PRKN: variants seen among roughly 807,000 people sequenced by gnomAD.
PRKN encodes the protein E3 ubiquitin-protein ligase parkin.
In PRKN, 56 loss-of-function variants were observed where a neutral mutation model predicts 59.5. The ratio of observed to expected loss-of-function variants is 0.94; its 90% confidence interval spans 0.76 to 1.18. The LOEUF (loss-of-function observed/expected upper bound fraction) is 1.18. Among genes scored for constraint, PRKN ranks in the 50% most tolerant of loss-of-function variants. The pLI, the probability that PRKN is intolerant of heterozygous loss-of-function variation, is 0.00. For missense variants in PRKN, 657 were observed against 596.4 expected (o/e 1.10, Z -1.06); for synonymous variants, 250 against 222.1 (o/e 1.13, Z -1.12).
chr6:161,899,272 G>C (rs140446063), intron 6 of PRKN, among the ~76,000 whole-genome samples: 49 of 152,322 alleles, frequency 3.2e-4, no homozygotes, highest in African/African-American at 1.1e-3. Context: ...ACATCTTTCA[G>C]TATGTTCCGA....
chr6:162,459,797 G>A (rs900523872), intron 1 of PRKN, among the ~76,000 whole-genome samples: 6 of 152,234 alleles, frequency 3.9e-5, no homozygotes, highest in East Asian at 1.9e-4. Flanking sequence ...AAAATGATTC[G>A]GAACTTTCTA....
intron 9 of PRKN, among the ~76,000 whole-genome samples, chr6:161,478,237 C>A (rs953333075): frequency 2.6e-5 from 4 of 152,172 alleles, no homozygotes; most frequent in Non-Finnish European, 5.9e-5. Flanking sequence ...TTGCCTCGGG[C>A]AAACTGAGTA....
intron 5 of PRKN, among the ~76,000 whole-genome samples, chr6:162,011,135 TTATA>T (rs1485141052): frequency 0.64 from 330 of 518 alleles, 127 homozygotes; most frequent in African/African-American, 0.73. Flanking sequence ...TAATATATAA[TTATA>T]ATATATATTA....
chr6:161,869,610 G>C (rs933814614), intron 6 of PRKN, among the ~76,000 whole-genome samples: 2 of 152,136 alleles, frequency 1.3e-5, no homozygotes, highest in Non-Finnish European at 2.9e-5. Flanking sequence ...CTCAGACTCT[G>C]CTGTTTCTGT....
At chr6:162,060,090 A>C (rs9458443) in intron 4 of PRKN, among the ~76,000 whole-genome samples, 56,980 of 152,048 alleles carry the variant, frequency 0.37, 11,583 homozygotes, top group Admixed American at 0.48. Context: ...TATAGAAAAA[A>C]CTTGCCAACC....
intron 7 of PRKN, among the ~76,000 whole-genome samples, chr6:161,761,961 G>A (rs552222408): frequency 1.2e-4 from 19 of 152,338 alleles, no homozygotes; most frequent in African/African-American, 4.6e-4. Flanking sequence ...GGCCTAGGGA[G>A]GTCTGGGTTG....
At chr6:161,715,985 G>T in intron 7 of PRKN, 1 of 602,056 alleles carries the variant, frequency 1.7e-6, no homozygotes, top group South Asian at 1.5e-5. Context: ...CGCTGGGGTG[G>T]GGCCCTGTGA....
intron 1 of PRKN, among the ~76,000 whole-genome samples, chr6:162,633,133 C>T (rs1242226048): frequency 6.6e-6 from 1 of 151,452 alleles, no homozygotes. Flanking sequence ...CCAGGCTAAA[C>T]CTTTAAAAAA....
chr6:161,963,434 G>A (rs1780461474), intron 6 of PRKN, among the ~76,000 whole-genome samples: 1 of 152,210 alleles, frequency 6.6e-6, no homozygotes, highest in Non-Finnish European at 1.5e-5. Context: ...GGTTCACCAC[G>A]GGAGAAATGA....
chr6:162,210,776 A>C (rs1785168463), intron 3 of PRKN, among the ~76,000 whole-genome samples: 1 of 152,188 alleles, frequency 6.6e-6, no homozygotes, highest in Non-Finnish European at 1.5e-5. Context: ...AATAATAAAC[A>C]ATTACATGAT....
intron 10 of PRKN, among the ~76,000 whole-genome samples, chr6:161,384,122 G>A (rs558240170): frequency 3.3e-5 from 5 of 152,256 alleles, no homozygotes; most frequent in African/African-American, 1.2e-4. Context: ...CATGTCAGTT[G>A]CTTGTGCAAC....
At chr6:161,874,804 G>A (rs368126104) in intron 6 of PRKN, among the ~76,000 whole-genome samples, 14 of 12,120 alleles carry the variant, frequency 1.2e-3, no homozygotes, top group South Asian at 4.7e-3. Flanking sequence ...AAATGTATAA[G>A]ATATATAAAA....
chr6:161,380,801 C>G (rs560969278), intron 10 of PRKN, among the ~76,000 whole-genome samples: 1 of 152,166 alleles, frequency 6.6e-6, no homozygotes, highest in South Asian at 2.1e-4. Context: ...TTAACAAAAA[C>G]GCATGGATTT....
At chr6:161,915,530 C>G (rs1562387811) in intron 6 of PRKN, among the ~76,000 whole-genome samples, 1 of 152,138 alleles carries the variant, frequency 6.6e-6, no homozygotes, top group Non-Finnish European at 1.5e-5. Context: ...GATTGTTCAT[C>G]TCTTTTGTGT....
chr6:161,687,118 G>A (rs897602926), intron 7 of PRKN, among the ~76,000 whole-genome samples: 2 of 152,046 alleles, frequency 1.3e-5, no homozygotes, highest in Non-Finnish European at 2.9e-5. Context: ...CAGTCACGGT[G>A]GCTCATGCCT....
chr6:161,581,834 G>C lies in PRKN; in HGVS notation c.872-12418C>G, dbSNP rs543410632. On this transcript the variant is annotated intron_variant, in intron 7 of 11. Transcript: ENST00000366898. This position sits in a 1 kb window ranked among gnomAD's most constrained non-coding sequence, Gnocchi z 4.5. ...TGCTAAGCTAGTGAGTTCTGACAAG[G>C]GCTCCTTTCCTGCTTCAGGTTTTAT... Among the ~76,000 whole-genome samples, 40 of 152,130 alleles carry C rather than the reference G, an allele frequency of 2.6e-4. No individual in the cohort carries two copies. Among genetic ancestry groups the C allele is most frequent in the African/African-American group, 8.9e-4 (37 of 41,424 alleles).
intron 7 of PRKN, among the ~76,000 whole-genome samples, chr6:161,630,355 A>C (rs1783255827): frequency 6.6e-6 from 1 of 152,192 alleles, no homozygotes; most frequent in Non-Finnish European, 1.5e-5. Flanking sequence ...CGTAGATGAG[A>C]TGCTTTGAAG....
chr6:162,676,986 G>A (rs1255279372), intron 1 of PRKN, among the ~76,000 whole-genome samples: 4 of 150,854 alleles, frequency 2.7e-5, no homozygotes, highest in African/African-American at 7.3e-5. Flanking sequence ...GCTTGAACCC[G>A]GGAGGCAGAG....
chr6:161,410,523 C>G lies in PRKN; in HGVS notation c.1084-23646G>C, dbSNP rs1316825450. On this transcript the variant is annotated intron_variant, in intron 9 of 11. Coordinates refer to ENST00000366898, the MANE Select transcript of PRKN (RefSeq NM_004562.3). The surrounding 1 kb of genome is among the most constrained non-coding windows in gnomAD (Gnocchi z 5.3). The stretch of plus-strand genomic sequence containing the variant: ...CAGCAAGCTCTTGGTCCCCTAAGGC[C>G]CTGCTCCTGGCAGATACTCTAAGGA... Among the ~76,000 whole-genome samples, 1 of 152,150 alleles carries G rather than the reference C, an allele frequency of 6.6e-6. No individual in the cohort carries two copies. Among genetic ancestry groups the G allele is most frequent in the Non-Finnish European group, 1.5e-5 (1 of 68,038 alleles).
Sources: gnomAD v4.1 joint callset for allele counts (sites outside exome capture counted in the v4.1 genomes callset) on GRCh38, gnomAD v4.1.1 for gene constraint, Gnocchi (gnomAD v3.1) non-coding constraint, MANE v1.5 for transcripts, NCBI Gene and HGNC (gene_info 2026-07-23, HGNC 2026-07-21) for gene names.